Variants in ASH1L observed in about 807,000 individuals in gnomAD.
The protein encoded by ASH1L is ASH1 like histone lysine methyltransferase.
ASH1L carries 23 observed loss-of-function variants against 269.0 expected under a neutral mutation model. The ratio of observed to expected loss-of-function variants is 0.09; its 90% CI spans 0.06 to 0.12. The LOEUF (loss-of-function observed/expected upper bound fraction) is 0.12. Ranked by LOEUF, ASH1L falls within the 10% of genes least tolerant of loss-of-function variation. The pLI is 1.00. For missense variants in ASH1L, 2,912 were observed against 3,567.8 expected (o/e 0.82, Z 4.68); for synonymous variants, 1,187 against 1,253.5 (o/e 0.95, Z 1.12).
At chr1:155,418,628 T>C (rs562210512) in intron 5 of ASH1L, among the ~76,000 whole-genome samples, 63 of 152,012 alleles carry the variant, frequency 4.1e-4, no homozygotes, top group Non-Finnish European at 8.7e-4. Flanking sequence ...TGAAAAAAAT[T>C]GAGAATTATG....
intron 6 of ASH1L, among the ~76,000 whole-genome samples, chr1:155,401,060 C>G (rs1658798082): frequency 6.6e-6 from 1 of 152,026 alleles, no homozygotes; most frequent in South Asian, 2.1e-4. Flanking sequence ...GCTCATGAGG[C>G]TGAGGCACGA....
At chr1:155,442,002 A>C (rs1662619275) in intron 4 of ASH1L, among the ~76,000 whole-genome samples, 1 of 151,926 alleles carries the variant, frequency 6.6e-6, no homozygotes, top group Admixed American at 6.6e-5. Context: ...CCTGAGCTCA[A>C]ATGATCTGAC....
chr1:155,447,431 G>A (rs984401013), intron 4 of ASH1L, among the ~76,000 whole-genome samples: 2 of 152,028 alleles, frequency 1.3e-5, no homozygotes, highest in Non-Finnish European at 2.9e-5. Context: ...GGTTTCATGT[G>A]TTGCTCAAGG....
Position 155,438,353 on chromosome 1 carries a change from C to T in ASH1L, c.5802G>A (p.Glu1934=). ...QTRKKQKPLP[E]EEEQENNKSF... ...TTTTATTATTCTCTTGCTCTTCTTC[C>T]TCTGGTAATGGCTTCTGCTTTTTTC... Residue 1934 remains glutamate, a synonymous_variant, in exon 5 of 28, where the codon GAG becomes GAA. Coordinates refer to ENST00000392403, the MANE Select transcript of ASH1L (RefSeq NM_018489.3). The T allele has an allele frequency of 5.7e-6, 9 of 1,574,412 alleles. No homozygotes were observed. Among genetic ancestry groups the T allele is most frequent in the Non-Finnish European group, 7.7e-6 (9 of 1,164,608 alleles).
At position 155,370,962 on chromosome 1, in the gene ASH1L, G is replaced by C; in HGVS notation, c.6354C>G (p.Ser2118=). 1 of 1,613,992 alleles carries C rather than the reference G, an allele frequency of 6.2e-7. No individual in the cohort carries two copies. The highest frequency in any genetic ancestry group is 8.5e-7 in the Non-Finnish European group (1 of 1,180,012). Residue 2118 remains serine (S), a synonymous_variant, in exon 11 of 28, where the codon TCC becomes TCG. Transcript: ENST00000392403. ...CLNRMIFAEC[S]PNTCPCGEQC... ...GCTCGCCACATGGGCAAGTGTTGGG[G>C]GAACACTCAGCAAAGATCATTCTAG...
At chr1:155,411,599 A>T (rs1659803045) in intron 6 of ASH1L, among the ~76,000 whole-genome samples, 1 of 82,830 alleles carries the variant, frequency 1.2e-5, no homozygotes, top group Non-Finnish European at 2.7e-5. Flanking sequence ...ATATATATAT[A>T]TATATATATA....
chr1:155,380,269 CTT>C, intron 7 of ASH1L, 153 bp from the exon 8 acceptor site: 3 of 582,194 alleles, frequency 5.2e-6, no homozygotes, highest in South Asian at 2.3e-5. Context: ...AATTTTAGCT[CTT>C]CTTTCCCACT....
In ASH1L at chr1:155,370,593, A is replaced by C; in HGVS notation, c.6597T>G (p.Asp2199Glu). Residue 2199 changes from aspartate (D) to glutamate (E), a missense_variant, in exon 12 of 28, where the codon GAT becomes GAG. Physicochemically the swap from Asp to Glu is conservative, Grantham distance 45. This residue lies in a region of ASH1L where 193 missense variants were observed against 311.6 expected (regional missense o/e 0.62). Transcript: ENST00000392403. ...NHSDHYCLNL[D>E]SGMVIDSYRM... is the part of the protein sequence containing the mutation. ...GGTAACTGTCAATCACCATCCCACT[A>C]TCCAGGTTCAGGCAGTAGTGGTCAC... 2 of 1,614,134 alleles carry C rather than the reference A, an allele frequency of 1.2e-6. No individual in the cohort carries two copies. Among genetic ancestry groups the C allele is most frequent in the Non-Finnish European group, 1.7e-6 (2 of 1,180,024 alleles).
At chr1:155,403,435 T>C (rs1031355431) in intron 6 of ASH1L, among the ~76,000 whole-genome samples, 4 of 152,204 alleles carry the variant, frequency 2.6e-5, no homozygotes, top group South Asian at 2.1e-4. Flanking sequence ...ATGTTAACTA[T>C]GCTATTGACT....
chr1:155,347,910 G>T lies in ASH1L; in HGVS notation c.7555-6C>A, dbSNP rs373916091. 6.2e-7 allele frequency: 1 copy of T among 1,612,722 alleles called. No homozygotes were observed. The highest frequency in any genetic ancestry group is 1.3e-5 in the African/African-American group (1 of 74,908). ...GATTTACGCCCATAGTACTTCTGAA[G>T]AAAGCAAATAAAGAAATCATGTTTG... On this transcript the variant is annotated splice_region_variant and splice_polypyrimidine_tract_variant and intron_variant, in intron 19 of 27. Coordinates refer to ENST00000392403, the MANE Select transcript of ASH1L (RefSeq NM_018489.3).
Position 155,368,745 on chromosome 1 carries a change from G to C in ASH1L, c.6686+1759C>G, listed in dbSNP as rs573104621. ...GCTGGGATTATAGGCGTGAGCCACT[G>C]TGCCCGGCTGGAATGTTTTTCAAAG... is the stretch of plus-strand genomic sequence containing the variant. On this transcript the variant is annotated intron_variant, in intron 12 of 27. Coordinates refer to ENST00000392403, the MANE Select transcript of ASH1L (RefSeq NM_018489.3). Among the ~76,000 whole-genome samples, 8 of 152,172 alleles carry C rather than the reference G, an allele frequency of 5.3e-5. No homozygotes were observed. The East Asian group carries it at 1.5e-3, about 29-fold the overall frequency.
Position 155,450,141 on chromosome 1 carries a change from A to G in ASH1L, c.5086+9656T>C, listed in dbSNP as rs371859170. 5.9e-4 allele frequency among the ~76,000 whole-genome samples: 90 copies of G among 152,270 alleles called. 1 individual carries two copies. In the South Asian group the frequency reaches 0.018, roughly 30 times the overall value. ...AATTTCTGACAATATGTCTGCTGAT[A>G]GTTGTTACTGTGTTCCTCTGTATGT... On this transcript the variant is annotated intron_variant, in intron 4 of 27. Transcript: ENST00000392403.
chr1:155,378,468 A>G, intron 9 of ASH1L, 35 bp downstream of exon 9: 1 of 1,611,614 alleles, frequency 6.2e-7, no homozygotes. Flanking sequence ...ACATTAACGT[A>G]TAGAGGCAGA....
At chr1:155,446,072 C>CG (rs1335859804) in intron 4 of ASH1L, among the ~76,000 whole-genome samples, 2 of 140,716 alleles carry the variant, frequency 1.4e-5, no homozygotes, top group Admixed American at 7.3e-5. Flanking sequence ...TTAGTAGAGA[C>CG]GGGGTTTCAC....
intron 3 of ASH1L, among the ~76,000 whole-genome samples, chr1:155,466,010 G>GAC: frequency 6.6e-6 from 1 of 152,284 alleles, no homozygotes; most frequent in Non-Finnish European, 1.5e-5. Flanking sequence ...CCAACTAAAT[G>GAC]CACTACAAGA....
At chr1:155,390,678 C>T (rs1336920269) in intron 7 of ASH1L, among the ~76,000 whole-genome samples, 2 of 134,600 alleles carry the variant, frequency 1.5e-5, no homozygotes, top group African/African-American at 5.4e-5. Context: ...CGGAGTCTCG[C>T]TCTGTCACCC....
rs1655836597 is a variant in ASH1L, at chr1:155,370,389, G to C, written c.6686+115C>G. On this transcript the variant is annotated intron_variant, in intron 12 of 27. Coordinates refer to ENST00000392403, the MANE Select transcript of ASH1L (RefSeq NM_018489.3). ...TCTGCCCGTGGGATCTGGGGTAATG[G>C]GGAACAGCCTGAGCTGCTTTGTGTA... is the stretch of plus-strand genomic sequence containing the variant. The C allele has an allele frequency of 2.9e-5, 40 of 1,367,328 alleles. No individual in the cohort carries two copies. In the South Asian group the frequency reaches 4.9e-4, roughly 17 times the overall value. The allele number at this position is 1,367,328 out of a possible 1,614,324, so 84.7% of individuals were successfully genotyped here. A position where few individuals can be genotyped will look rare whatever the true frequency, so the allele number is the denominator to read the frequency against.
intron 2 of ASH1L, among the ~76,000 whole-genome samples, chr1:155,485,270 A>T (rs994345969): frequency 7.1e-6 from 1 of 141,188 alleles, no homozygotes; most frequent in Non-Finnish European, 1.6e-5. Context: ...AAAAAAAAAA[A>T]CCCAAAACCA....
chr1:155,547,333 A>C (rs200704433), intron 1 of ASH1L, among the ~76,000 whole-genome samples: 3 of 152,036 alleles, frequency 2.0e-5, no homozygotes, highest in Non-Finnish European at 2.9e-5. Flanking sequence ...GTTTCTGTTT[A>C]CTGCAGCACT....
Sources: gnomAD v4.1 joint callset for allele counts (sites outside exome capture counted in the v4.1 genomes callset) on GRCh38, gnomAD v4.1.1 for gene constraint, gnomAD v4.1.1 regional missense constraint, MANE v1.5 for transcripts, NCBI Gene and HGNC (gene_info 2026-07-23, HGNC 2026-07-21) for gene names.